The following CCDC88C variants were observed in gnomAD, a reference collection of about 807,000 sequenced individuals.
The protein encoded by CCDC88C is protein Daple.
CCDC88C carries 131 observed loss-of-function variants against 198.8 expected under a neutral mutation model. The ratio of observed to expected loss-of-function variants is 0.66; its 90% CI spans 0.57 to 0.76. The LOEUF is 0.76. CCDC88C is among the 30% of genes least tolerant of loss of function. The pLI is 0.00. For missense variants in CCDC88C, 2,553 were observed against 2,631.6 expected (o/e 0.97, Z 0.65); for synonymous variants, 1,166 against 1,114.7 (o/e 1.05, Z -0.92).
intron 19 of CCDC88C, among the ~76,000 whole-genome samples, chr14:91,304,531 G>C (rs1891478413): frequency 2.0e-5 from 3 of 152,240 alleles, no homozygotes. Context: ...GGAGGTTATA[G>C]TGAGCTATGA....
At chr14:91,276,478 T>C (rs1338497625) in intron 29 of CCDC88C, among the ~76,000 whole-genome samples, 1 of 152,256 alleles carries the variant, frequency 6.6e-6, no homozygotes, top group Non-Finnish European at 1.5e-5. Context: ...GCACAGCACA[T>C]GCAGGCAAAG....
rs1217807928 is a variant in CCDC88C, at chr14:91,343,581, G to A, written c.399+18C>T. Reference sequence around the variant, plus strand: ...GGCTGGGGTAGGTCCCTCTGCTGCAGCCCTGCCCAATCCCTACCTGGACAG... The same window carrying A: ...GGCTGGGGTAGGTCCCTCTGCTGCAACCCTGCCCAATCCCTACCTGGACAG... On this transcript the variant is annotated intron_variant, in intron 5 of 29. Coordinates refer to ENST00000389857, the MANE Select transcript of CCDC88C (RefSeq NM_001080414.4). 3.7e-6 allele frequency: 6 copies of A among 1,613,324 alleles called. No individual in the cohort carries two copies. The highest frequency in any genetic ancestry group is 5.1e-6 in the Non-Finnish European group (6 of 1,179,850).
rs1256550559 is a variant in CCDC88C, at chr14:91,313,153, TCCTTCAGCTTGCCGGCTGCGTC to T, written c.2641_2662del (p.Asp881SerfsTer20). On this transcript the variant is annotated frameshift_variant, in exon 15 of 30. Coordinates refer to ENST00000389857, the MANE Select transcript of CCDC88C (RefSeq NM_001080414.4). LOFTEE classifies it high-confidence loss of function. The surrounding 1 kb of genome is among the most constrained non-coding windows in gnomAD (Gnocchi z 5.2). ...GAGGTCCCGGTTGTCCTTCTCCAGC[TCCTTCAGCTTGCCGGCTGCGTC>T]CCTGCAGCGGGCCAGCTCCTTGTCC... The T allele has an allele frequency of 6.2e-7, 1 of 1,610,862 alleles. No homozygotes were observed. The highest frequency in any genetic ancestry group is 1.7e-5 in the Admixed American group (1 of 59,984).
intron 25 of CCDC88C, among the ~76,000 whole-genome samples, chr14:91,286,031 T>A (rs1182759299): frequency 6.6e-6 from 1 of 151,820 alleles, no homozygotes; most frequent in East Asian, 1.9e-4. Flanking sequence ...TCATCTGTGC[T>A]CTGACTCAAT....
At position 91,381,115 on chromosome 14, in the gene CCDC88C, C is replaced by T. The variant is rs898142128; in HGVS notation, c.271-21404G>A. Among the ~76,000 whole-genome samples the T allele has an allele frequency of 6.6e-6, 1 of 152,174 alleles. No homozygotes were observed. Among genetic ancestry groups the T allele is most frequent in the African/African-American group, 2.4e-5 (1 of 41,428 alleles). ...CCACTGAAAGCCACTGGTCCCATTA[C>T]AGGAAAGGTTACCTCCATCACTCAG... On this transcript the variant is annotated intron_variant, in intron 3 of 29. Transcript: ENST00000389857. This position sits in a 1 kb window ranked among gnomAD's most constrained non-coding sequence, Gnocchi z 4.2.
At chr14:91,280,840 G>C (rs1393273489) in intron 27 of CCDC88C, among the ~76,000 whole-genome samples, 2 of 152,138 alleles carry the variant, frequency 1.3e-5, no homozygotes, top group Admixed American at 6.5e-5. Flanking sequence ...CCGTGGATAG[G>C]GGTAGGAGGT....
At position 91,371,351 on chromosome 14, in the gene CCDC88C, G is replaced by C. The variant is rs915439675; in HGVS notation, c.271-11640C>G. ...GAAAGGGGCAGAGAAAGTGTGGCCA[G>C]AGGAAACTACGGTATGCATGCAGGG... On this transcript the variant is annotated intron_variant, in intron 3 of 29. Coordinates refer to ENST00000389857, the MANE Select transcript of CCDC88C (RefSeq NM_001080414.4). The surrounding 1 kb of genome is among the most constrained non-coding windows in gnomAD (Gnocchi z 4.2). Among the ~76,000 whole-genome samples, 1 of 152,114 alleles carries C rather than the reference G, an allele frequency of 6.6e-6. No homozygotes were observed. The highest frequency in any genetic ancestry group is 1.5e-5 in the Non-Finnish European group (1 of 68,030).
chr14:91,409,502 T>A (rs1384561828), intron 2 of CCDC88C, among the ~76,000 whole-genome samples: 4 of 149,754 alleles, frequency 2.7e-5, no homozygotes, highest in Non-Finnish European at 5.9e-5. Flanking sequence ...TTTTTTTTTT[T>A]TTTGAGACGG....
chr14:91,306,503 G>A (rs546768188), intron 18 of CCDC88C, among the ~76,000 whole-genome samples: 18 of 152,272 alleles, frequency 1.2e-4, no homozygotes, highest in African/African-American at 3.1e-4. Context: ...CTTTATCATC[G>A]ATCAAATAAT....
intron 3 of CCDC88C, among the ~76,000 whole-genome samples, chr14:91,360,029 T>G (rs1023186008): frequency 6.6e-6 from 1 of 152,186 alleles, no homozygotes; most frequent in African/African-American, 2.4e-5. Flanking sequence ...TAGAGAGGTC[T>G]TGGAAAAAAA....
intron 15 of CCDC88C, among the ~76,000 whole-genome samples, chr14:91,312,476 C>T (rs934648792): frequency 1.3e-5 from 2 of 150,516 alleles, no homozygotes; most frequent in Non-Finnish European, 3.0e-5. Context: ...TGAGGTCAGG[C>T]GTTCGAGACC....
At chr14:91,293,511 T>TTTCCCATCCTCACCCGCCACAGCTC (rs1567055618) in intron 23 of CCDC88C, among the ~76,000 whole-genome samples, 4 of 9,728 alleles carry the variant, frequency 4.1e-4, no homozygotes, top group Admixed American at 1.1e-3. Flanking sequence ...TGCCACGGCC[T>TTTCCCATCCTCACCCGCCACAGCTC]ACCTTCCTGT....
intron 24 of CCDC88C, among the ~76,000 whole-genome samples, chr14:91,289,655 A>G (rs549160125): frequency 6.6e-6 from 1 of 152,320 alleles, no homozygotes; most frequent in East Asian, 1.9e-4. Context: ...TCTGTCAAAA[A>G]GCCATTTCCA....
At chr14:91,319,072 C>T (rs1404184844) in intron 13 of CCDC88C, among the ~76,000 whole-genome samples, 1 of 152,106 alleles carries the variant, frequency 6.6e-6, no homozygotes, top group Non-Finnish European at 1.5e-5. Context: ...TGAGGGTTGC[C>T]CATCCTGCAT....
intron 3 of CCDC88C, among the ~76,000 whole-genome samples, chr14:91,376,365 C>T (rs1341634052): frequency 6.6e-6 from 1 of 152,224 alleles, no homozygotes; most frequent in Non-Finnish European, 1.5e-5. Flanking sequence ...TGTTCATTCA[C>T]TCACCCAACA....
chr14:91,274,555 C>CAT (rs879619837), intron 29 of CCDC88C, among the ~76,000 whole-genome samples: 2,259 of 152,308 alleles, frequency 0.015, 34 homozygotes, highest in Middle Eastern at 0.024. Context: ...GTTGGTAGCT[C>CAT]AGGAGCCATC....
At chr14:91,395,584 C>T (rs558790856) in intron 3 of CCDC88C, among the ~76,000 whole-genome samples, 2 of 152,216 alleles carry the variant, frequency 1.3e-5, no homozygotes, top group African/African-American at 4.8e-5. Flanking sequence ...CTTCGGGTAA[C>T]CAAAGAAGTC....
At position 91,315,746 on chromosome 14, in the gene CCDC88C, G is replaced by T. The variant is rs1171923204; in HGVS notation, c.1569C>A (p.Ser523Arg). 14 of 1,613,552 alleles carry T rather than the reference G, an allele frequency of 8.7e-6. No homozygotes were observed. The highest frequency in any genetic ancestry group is 1.3e-5 in the African/African-American group (1 of 74,904). ...CACTGAGGGTCTCCAGATCTTGGTTGCTCTGCTTTTCTCTCTCCAGCTGGG... is the reference window on the plus strand; with the variant it reads ...CACTGAGGGTCTCCAGATCTTGGTTTCTCTGCTTTTCTCTCTCCAGCTGGG... ...LQTQLEREKQ[S>R]NQDLETLSEE... Residue 523 changes from serine to arginine, a missense_variant, in exon 14 of 30, where the codon AGC becomes AGA. Transcript: ENST00000389857.
At chr14:91,415,508 T>C (rs1376929345) in intron 2 of CCDC88C, among the ~76,000 whole-genome samples, 1 of 152,172 alleles carries the variant, frequency 6.6e-6, no homozygotes, top group Non-Finnish European at 1.5e-5. Context: ...GCGGATCACC[T>C]GAGGTCGGGA....
Sources: allele counts gnomAD v4.1 joint callset (sites outside exome capture counted in the v4.1 genomes callset), GRCh38; gene constraint gnomAD v4.1.1; non-coding constraint Gnocchi (gnomAD v3.1); transcripts MANE v1.5; gene names NCBI Gene and HGNC (gene_info 2026-07-23, HGNC 2026-07-21).